Variants in NOVA1 observed in about 807,000 individuals in gnomAD.
NOVA1 encodes RNA-binding protein Nova-1.
NOVA1 carries 7 observed loss-of-function variants against 38.0 expected under a neutral mutation model. That is an observed-to-expected ratio of 0.18 (90% confidence interval 0.10 to 0.35). NOVA1 has a LOEUF of 0.35. Among genes scored for constraint, NOVA1 ranks in the 10% least tolerant of loss-of-function variants. The pLI, the probability that NOVA1 is intolerant of heterozygous loss-of-function variation, is 1.00. For missense variants in NOVA1, 460 were observed against 616.0 expected, an observed-to-expected ratio of 0.75 and a Z score of 2.68; for synonymous variants, 270 against 232.5, an observed-to-expected ratio of 1.16 and a Z score of -1.47.
chr14:26,453,189 TATGTATGTATGTATGTATG>T (rs879634288), intron 4 of NOVA1, among the ~76,000 whole-genome samples: 27,003 of 120,628 alleles, frequency 0.22, 2,646 homozygotes, highest in East Asian at 0.39. Flanking sequence ...TGTATGTATG[TATGTATGTATGTATGTATG>T]TATTTATTTA....
intron 4 of NOVA1, among the ~76,000 whole-genome samples, chr14:26,454,977 C>T (rs547602789): frequency 3.0e-4 from 46 of 152,144 alleles, no homozygotes; most frequent in East Asian, 1.7e-3. Flanking sequence ...GGTATCCTTT[C>T]GATTACAGAC....
rs565069776 is a variant in NOVA1 at position 26,444,785 on chromosome 14, G to A, written c.*3174C>T. The A allele has an allele frequency of 6.6e-6, 1 of 151,738 alleles. No homozygotes were observed. The highest frequency in any genetic ancestry group is 2.1e-4 in the South Asian group (1 of 4,808). 9.4% of individuals were successfully genotyped at this position (151,738 alleles called of 1,614,324 possible). ...GGAAGGCAGCCGTTTAAAAAGTCTA[G>A]GTGCAATGTTGTGGTGCTGAAAGAA... On this transcript the variant is annotated 3_prime_UTR_variant, in exon 5 of 5. Transcript: ENST00000539517.
intron 2 of NOVA1, among the ~76,000 whole-genome samples, chr14:26,554,890 G>A (rs17111370): frequency 0.011 from 1,727 of 152,030 alleles, 23 homozygotes; most frequent in Middle Eastern, 0.058. Context: ...TTTTCCTTGC[G>A]TATAAAAGCT....
At chr14:26,459,358 T>G (rs1883466650) in intron 4 of NOVA1, among the ~76,000 whole-genome samples, 1 of 152,156 alleles carries the variant, frequency 6.6e-6, no homozygotes, top group Non-Finnish European at 1.5e-5. Context: ...GGTAACATGC[T>G]GTACAGATTT....
intron 2 of NOVA1, among the ~76,000 whole-genome samples, chr14:26,559,604 G>A (rs1212283566): frequency 6.6e-6 from 1 of 152,218 alleles, no homozygotes; most frequent in East Asian, 1.9e-4. Flanking sequence ...GATAGAACTG[G>A]TAGTCATTAT....
At chr14:26,525,437 G>T (rs1195726921) in intron 2 of NOVA1, among the ~76,000 whole-genome samples, 1 of 152,018 alleles carries the variant, frequency 6.6e-6, no homozygotes, top group Non-Finnish European at 1.5e-5. Context: ...AAACAAACAA[G>T]ATTCACAAAA....
intron 2 of NOVA1, among the ~76,000 whole-genome samples, chr14:26,507,267 T>C (rs1887707008): frequency 1.2e-5 from 1 of 82,996 alleles, no homozygotes; most frequent in Admixed American, 1.5e-4. Flanking sequence ...TACATTCAAC[T>C]CATTGTAAAA....
At chr14:26,532,336 C>T (rs574749454) in intron 2 of NOVA1, among the ~76,000 whole-genome samples, 1 of 152,322 alleles carries the variant, frequency 6.6e-6, no homozygotes, top group South Asian at 2.1e-4. Flanking sequence ...TAGACAATGA[C>T]TACTCCTCAA....
chr14:26,596,080 T>C (rs1020307443), intron 1 of NOVA1: 9 of 236,168 alleles, frequency 3.8e-5, no homozygotes, highest in Non-Finnish European at 6.8e-5. Flanking sequence ...ACCATTCTCC[T>C]ACCAAATAAT....
At chr14:26,492,958 A>AAATTAT (rs1886462490) in intron 2 of NOVA1, among the ~76,000 whole-genome samples, 1 of 152,100 alleles carries the variant, frequency 6.6e-6, no homozygotes, top group African/African-American at 2.4e-5. Context: ...ATTAAAATTA[A>AAATTAT]AAATAAGTAA....
chr14:26,577,447 T>C (rs891405631), intron 2 of NOVA1, among the ~76,000 whole-genome samples: 1 of 152,138 alleles, frequency 6.6e-6, no homozygotes, highest in Non-Finnish European at 1.5e-5. Context: ...CAGGCTACTT[T>C]TTTTTGTCAT....
At chr14:26,501,721 A>C (rs1476621508) in intron 2 of NOVA1, among the ~76,000 whole-genome samples, 1 of 151,962 alleles carries the variant, frequency 6.6e-6, no homozygotes, top group African/African-American at 2.4e-5. Flanking sequence ...AGGAAGACTG[A>C]AATTATATTT....
intron 2 of NOVA1, 129 bp downstream of exon 2, chr14:26,595,281 C>G: frequency 1.2e-6 from 1 of 851,032 alleles, no homozygotes. Context: ...ACAATATATT[C>G]CTATAAAGCA....
chr14:26,483,398 A>T (rs1042115932), intron 2 of NOVA1, among the ~76,000 whole-genome samples: 2 of 152,198 alleles, frequency 1.3e-5, no homozygotes, highest in African/African-American at 4.8e-5. Flanking sequence ...AATATGTTGT[A>T]ATTTCTACAA....
At chr14:26,568,336 C>G (rs537094210) in intron 2 of NOVA1, 1 of 152,248 alleles carries the variant, frequency 6.6e-6, no homozygotes, top group South Asian at 2.1e-4. Context: ...CAGTGCTATA[C>G]AATGTACAGC....
chr14:26,583,314 A>T (rs962308670), intron 2 of NOVA1, among the ~76,000 whole-genome samples: 2 of 151,832 alleles, frequency 1.3e-5, no homozygotes, highest in East Asian at 3.9e-4. Context: ...TCTTAGCTAG[A>T]TTATTTCTCA....
chr14:26,475,228 C>T (rs1884889603), intron 3 of NOVA1, among the ~76,000 whole-genome samples: 1 of 152,016 alleles, frequency 6.6e-6, no homozygotes, highest in Non-Finnish European at 1.5e-5. Flanking sequence ...GACAGGGTCT[C>T]GCTTTGTTGC....
intron 3 of NOVA1, chr14:26,479,133 A>T (rs1303048842): frequency 1.3e-5 from 2 of 152,028 alleles, no homozygotes; most frequent in Non-Finnish European, 2.9e-5. Context: ...ACTGAAGAAT[A>T]ATACATTTCT....
intron 2 of NOVA1, among the ~76,000 whole-genome samples, chr14:26,576,639 G>C (rs1892864007): frequency 6.6e-6 from 1 of 151,166 alleles, no homozygotes; most frequent in East Asian, 2.0e-4. Context: ...CACCTGATAA[G>C]GTATACATTT....
Sources: allele counts gnomAD v4.1 joint callset (sites outside exome capture counted in the v4.1 genomes callset), GRCh38; gene constraint gnomAD v4.1.1; transcripts MANE v1.5; gene names NCBI Gene and HGNC (gene_info 2026-07-23, HGNC 2026-07-21).